DNASE1: variants seen among roughly 807,000 people sequenced by gnomAD.
DNASE1 encodes deoxyribonuclease-1.
DNASE1 carries 40 observed loss-of-function variants against 33.9 expected under a neutral mutation model. The ratio of observed to expected loss-of-function variants is 1.18; its 90% CI spans 0.92 to 1.54. The LOEUF (loss-of-function observed/expected upper bound fraction) is 1.54, where lower values mean the gene tolerates loss of function less well. DNASE1 is among the 40% of genes most tolerant of loss of function. DNASE1 has a pLI of 0.00. For missense variants in DNASE1, 518 were observed against 372.6 expected, an observed-to-expected ratio of 1.39 and a Z score of -3.21; for synonymous variants, 216 against 160.0, an observed-to-expected ratio of 1.35 and a Z score of -2.64.
intron 1 of DNASE1, among the ~76,000 whole-genome samples, chr16:3,614,307 C>T (rs2041022806): frequency 2.0e-5 from 3 of 152,102 alleles, no homozygotes; most frequent in Admixed American, 6.6e-5. Flanking sequence ...CCTGCCTGGA[C>T]CTCCCAAAGG....
intron 7 of DNASE1, 105 bp downstream of exon 7, chr16:3,657,446 A>G (rs2042748980): frequency 4.8e-6 from 7 of 1,460,280 alleles, no homozygotes; most frequent in East Asian, 2.3e-5. Flanking sequence ...CACTCACCCA[A>G]CTGAGCTTCA....
chr16:3,664,670 C>G, exon 10 of DNASE1: 1 of 555,752 alleles, frequency 1.8e-6, no homozygotes, highest in Non-Finnish European at 3.1e-6. Flanking sequence ...GCTTAGGAAG[C>G]ACCTCCTGCC....
upstream of DNASE1, chr16:3,652,153 C>G (rs1305558987): frequency 1.3e-5 from 2 of 152,428 alleles, no homozygotes; most frequent in African/African-American, 4.8e-5. Context: ...AGCAGGGGCA[C>G]TATGCCTGGG....
chr16:3,658,116 G>A (rs762583982), downstream of DNASE1: 4 of 1,613,258 alleles, frequency 2.5e-6, no homozygotes, highest in Non-Finnish European at 3.4e-6. Context: ...CAGTCCTTCT[G>A]GCCCCCTGGC....
At chr16:3,633,607 T>G (rs2041769882) in intron 1 of DNASE1, among the ~76,000 whole-genome samples, 1 of 144,242 alleles carries the variant, frequency 6.9e-6, no homozygotes, top group African/African-American at 2.5e-5. Context: ...AGACTCCATC[T>G]CAAGAGAAAA....
intron 1 of DNASE1, among the ~76,000 whole-genome samples, chr16:3,622,535 G>C (rs558433191): frequency 6.6e-6 from 1 of 151,938 alleles, no homozygotes; most frequent in Non-Finnish European, 1.5e-5. Flanking sequence ...CTATTGATTT[G>C]TAAGAACTCT....
chr16:3,613,400 T>C (rs974732078), intron 1 of DNASE1, among the ~76,000 whole-genome samples: 5 of 152,244 alleles, frequency 3.3e-5, no homozygotes, highest in African/African-American at 1.2e-4. Context: ...TTTTACTTTT[T>C]GGCTGTTAGA....
At chr16:3,612,440 T>C (rs2151145464) in intron 1 of DNASE1, among the ~76,000 whole-genome samples, 1 of 151,528 alleles carries the variant, frequency 6.6e-6, no homozygotes, top group Non-Finnish European at 1.5e-5. Context: ...TAGTAGAGAC[T>C]AGGTTTCACT....
chr16:3,648,732 T>G (rs1340900190), intron 1 of DNASE1, among the ~76,000 whole-genome samples: 2 of 152,226 alleles, frequency 1.3e-5, no homozygotes, highest in African/African-American at 4.8e-5. Flanking sequence ...ACTTCCCAGT[T>G]ATGGGTCAGT....
rs1488006270 is a variant in DNASE1, at chr16:3,656,160, A to G, written c.295A>G (p.Lys99Glu). ...VSEPLGRNSYKERYLFVYRPD... is the reference protein window; with the variant it reads ...VSEPLGRNSYEERYLFVYRPD... ...TGAGCCACTGGGACGGAACAGCTAT[A>G]AGGAGCGCTACCTGTTCGTGTACAG... The change falls in exon 4 of 9, where the codon AAG (lysine) becomes GAG (glutamate). Residue 99 changes from lysine (K) to glutamate (E), a missense_variant. Lys to Glu is a moderately conservative substitution (Grantham distance 56, BLOSUM62 1). Transcript: ENST00000246949. The G allele has an allele frequency of 6.2e-7, 1 of 1,614,032 alleles. No individual in the cohort carries two copies. Among genetic ancestry groups the G allele is most frequent in the Non-Finnish European group, 8.5e-7 (1 of 1,179,984 alleles).
At chr16:3,657,695 A>ACTTTCTCTTC (rs1555460201) in intron 7 of DNASE1, 25 bp from the exon 8 acceptor site, 1 of 1,613,428 alleles carries the variant, frequency 6.2e-7, no homozygotes, top group Non-Finnish European at 8.5e-7. Context: ...AGGGGAACCT[A>ACTTTCTCTTC]CTTTCTCTTC....
intron 1 of DNASE1, among the ~76,000 whole-genome samples, chr16:3,629,491 T>G (rs1197267281): frequency 1.3e-5 from 2 of 152,164 alleles, no homozygotes; most frequent in Non-Finnish European, 2.9e-5. Context: ...TTTGCTAGTA[T>G]TTGTAGAGGA....
chr16:3,638,104 A>AGTGTGTGTGTGTGTGT (rs58884007), upstream of DNASE1, among the ~76,000 whole-genome samples: 1 of 143,444 alleles, frequency 7.0e-6, no homozygotes, highest in Non-Finnish European at 1.5e-5. Context: ...AGTTTTTGTG[A>AGTGTGTGTGTGTGTGT]GTGTGTGTGT....
chr16:3,662,642 T>G, downstream of DNASE1: 1 of 675,312 alleles, frequency 1.5e-6, no homozygotes, highest in Non-Finnish European at 2.7e-6. Flanking sequence ...TGCTGGTTTT[T>G]CAGTTCTCAG....
At chr16:3,656,256 T>C in intron 4 of DNASE1, 71 bp downstream of exon 4, 5 of 1,514,512 alleles carry the variant, frequency 3.3e-6, no homozygotes, top group Non-Finnish European at 4.6e-6. Context: ...GGAAGTAGTT[T>C]GTCCTATTAG....
chr16:3,613,852 C>G (rs1367571612), intron 1 of DNASE1, among the ~76,000 whole-genome samples: 1 of 151,938 alleles, frequency 6.6e-6, no homozygotes. Context: ...AGCGATTCTC[C>G]TGCCTCAGCC....
At chr16:3,660,130 C>T (rs1445670919), downstream of DNASE1, 1 of 152,140 alleles carries the variant, frequency 6.6e-6, no homozygotes, top group East Asian at 1.9e-4. Context: ...CCTAGTTACC[C>T]TAAGGGAGAA....
upstream of DNASE1, among the ~76,000 whole-genome samples, chr16:3,642,454 A>G (rs779978801): frequency 6.6e-6 from 1 of 152,110 alleles, no homozygotes; most frequent in Admixed American, 6.5e-5. Flanking sequence ...AGTAGGGGCA[A>G]CCAGCAGCCG....
At chr16:3,633,046 A>G (rs1476307158) in intron 1 of DNASE1, among the ~76,000 whole-genome samples, 1 of 152,076 alleles carries the variant, frequency 6.6e-6, no homozygotes, top group African/African-American at 2.4e-5. Context: ...GACCCAACAC[A>G]TGCTTGGGTC....
Sources: allele counts gnomAD v4.1 joint callset (sites outside exome capture counted in the v4.1 genomes callset), GRCh38; gene constraint gnomAD v4.1.1; transcripts MANE v1.5; gene names NCBI Gene and HGNC (gene_info 2026-07-23, HGNC 2026-07-21).